CDK14: variants seen among roughly 807,000 people sequenced by gnomAD.
The protein encoded by CDK14 is cyclin-dependent kinase 14.
A neutral mutation model predicts 60.7 loss-of-function variants in CDK14; 34 were observed. That is an observed-to-expected ratio of 0.56 (90% CI 0.43 to 0.75). CDK14 has a LOEUF of 0.75. Ranked by LOEUF, CDK14 falls within the 30% of genes least tolerant of loss-of-function variation. The pLI, the probability that CDK14 is intolerant of heterozygous loss-of-function variation, is 0.00. For missense variants in CDK14, 482 were observed against 564.1 expected (o/e 0.85, Z 1.47); for synonymous variants, 197 against 203.7 (o/e 0.97, Z 0.28).
intron 12 of CDK14, among the ~76,000 whole-genome samples, chr7:91,090,649 A>G (rs1157645661): frequency 6.6e-6 from 1 of 152,086 alleles, no homozygotes; most frequent in African/African-American, 2.4e-5. Flanking sequence ...TTATTTTTGC[A>G]CTTATTTCTT....
Position 90,860,588 on chromosome 7 carries a change from TGA to T in CDK14, c.545-2586_545-2585del, listed in dbSNP as rs1790978141. Among the ~76,000 whole-genome samples the T allele has an allele frequency of 2.7e-5, 4 of 150,176 alleles. No homozygotes were observed. In the South Asian group the frequency reaches 8.5e-4, roughly 32 times the overall value. ...GTTGCCAGGCTGGACTGCAGTGGTGTGATCTCAGCTCACTGCAACCTCCACCT... is the reference window on the plus strand; with the variant it reads ...GTTGCCAGGCTGGACTGCAGTGGTGTTCTCAGCTCACTGCAACCTCCACCT... On this transcript the variant is annotated intron_variant, in intron 5 of 14. Coordinates refer to ENST00000380050, the MANE Select transcript of CDK14 (RefSeq NM_001287135.2).
Position 90,722,211 on chromosome 7 carries a change from A to T in CDK14, c.124-4356A>T, listed in dbSNP as rs559283136. On this transcript the variant is annotated intron_variant, in intron 2 of 14. Transcript: ENST00000380050. The stretch of plus-strand genomic sequence containing the variant: ...TTCCCCTTTCCCTTTTCCCTTTTTG[A>T]GATAGGGTCTCACTATGTTGCCCAG... Among the ~76,000 whole-genome samples the T allele has an allele frequency of 2.2e-5, 3 of 134,524 alleles. No homozygotes were observed. In the South Asian group the frequency reaches 6.7e-4, roughly 30 times the overall value. 88.3% of individuals were successfully genotyped at this position (134,524 alleles called of 152,430 possible). A position where few individuals can be genotyped will look rare whatever the true frequency, so the allele number is the denominator to read the frequency against.
In CDK14 at chr7:90,596,477, C is replaced by A; in HGVS notation, c.-151C>A. 2 of 575,710 alleles carry A rather than the reference C, an allele frequency of 3.5e-6. No homozygotes were observed. The highest frequency in any genetic ancestry group is 6.4e-5 in the East Asian group (2 of 31,156). The allele number at this position is 575,710 out of a possible 1,614,324, so 35.7% of individuals were successfully genotyped here. A position where few individuals can be genotyped will look rare whatever the true frequency, so the allele number is the denominator to read the frequency against. ...CCTGCCGTCCTCCGCCTGCCTGCTG[C>A]TCGCCTCCCTAGACCTGCGCGTCGC... is the stretch of plus-strand genomic sequence containing the variant. On this transcript the variant is annotated 5_prime_UTR_variant, in exon 1 of 15. Transcript: ENST00000380050.
At chr7:90,817,259 C>T (rs1037559537) in intron 5 of CDK14, among the ~76,000 whole-genome samples, 1 of 152,038 alleles carries the variant, frequency 6.6e-6, no homozygotes, top group Non-Finnish European at 1.5e-5. Context: ...TAGTATGGGT[C>T]ATTTATATAT....
At chr7:90,611,554 T>C (rs959981889) in intron 2 of CDK14, among the ~76,000 whole-genome samples, 7 of 152,220 alleles carry the variant, frequency 4.6e-5, no homozygotes, top group Non-Finnish European at 7.3e-5. Context: ...GGCTTGGTTT[T>C]TGTTCCTTGC....
intron 4 of CDK14, among the ~76,000 whole-genome samples, chr7:90,773,907 T>C (rs1177052120): frequency 5.6e-5 from 7 of 125,888 alleles, no homozygotes; most frequent in South Asian, 2.6e-4. Flanking sequence ...TTCTTTCTTT[T>C]TTTTTTTTTT....
intron 14 of CDK14, among the ~76,000 whole-genome samples, chr7:91,185,204 A>T (rs1470161697): frequency 6.6e-6 from 1 of 150,576 alleles, no homozygotes; most frequent in Non-Finnish European, 1.5e-5. Context: ...AAACAATGAT[A>T]TAGAAATAAA....
intron 9 of CDK14, among the ~76,000 whole-genome samples, chr7:90,965,653 T>C (rs1009525761): frequency 6.6e-6 from 1 of 152,228 alleles, no homozygotes; most frequent in Non-Finnish European, 1.5e-5. Context: ...GGATTCCATG[T>C]CTTCCTCCTT....
chr7:91,147,324 A>G (rs938032026), intron 14 of CDK14, among the ~76,000 whole-genome samples: 20 of 151,852 alleles, frequency 1.3e-4, no homozygotes, highest in African/African-American at 4.8e-4. Flanking sequence ...ATAATTTTCA[A>G]TATTAGAAAG....
At chr7:91,088,761 A>G (rs1302628247) in intron 12 of CDK14, among the ~76,000 whole-genome samples, 1 of 152,162 alleles carries the variant, frequency 6.6e-6, no homozygotes, top group Non-Finnish European at 1.5e-5. Flanking sequence ...ATACAAACAT[A>G]ATGCCAAATA....
At chr7:90,775,767 T>TC (rs1432765091) in intron 4 of CDK14, among the ~76,000 whole-genome samples, 12 of 110,976 alleles carry the variant, frequency 1.1e-4, no homozygotes, top group African/African-American at 3.3e-4. Flanking sequence ...CTCCTCTTTC[T>TC]CCCCCCCACC....
chr7:91,117,090 G>T (rs1799630643), intron 13 of CDK14, among the ~76,000 whole-genome samples: 1 of 143,374 alleles, frequency 7.0e-6, no homozygotes, highest in African/African-American at 2.6e-5. Flanking sequence ...CCATCTAGTA[G>T]GCCTCTCACA....
At chr7:91,016,377 G>A (rs147083267) in intron 10 of CDK14, among the ~76,000 whole-genome samples, 107 of 151,944 alleles carry the variant, frequency 7.0e-4, no homozygotes, top group African/African-American at 2.4e-3. Flanking sequence ...CAATTTAGAC[G>A]GTCCTAAACA....
At chr7:90,670,140 C>G (rs1171305416) in intron 2 of CDK14, among the ~76,000 whole-genome samples, 1 of 152,132 alleles carries the variant, frequency 6.6e-6, no homozygotes, top group Non-Finnish European at 1.5e-5. Flanking sequence ...TATGCAGAGG[C>G]TGTAGGAAGT....
At chr7:90,810,273 T>C (rs1051519360) in intron 5 of CDK14, among the ~76,000 whole-genome samples, 5 of 152,142 alleles carry the variant, frequency 3.3e-5, no homozygotes, top group African/African-American at 9.7e-5. Flanking sequence ...TTATCCACCA[T>C]GATCAAGTGG....
In CDK14 at chr7:90,757,555, C is replaced by G. The variant is rs117813939; in HGVS notation, c.464+9780C>G. 5.1e-4 allele frequency among the ~76,000 whole-genome samples: 78 copies of G among 151,764 alleles called. No homozygotes were observed. In the East Asian group the frequency reaches 0.013, roughly 26 times the overall value. The stretch of plus-strand genomic sequence containing the variant: ...CTATTGGTTCTTTTTAAAGTACAAA[C>G]AAAGGATATTTATTTGCCCCATCAA... On this transcript the variant is annotated intron_variant, in intron 4 of 14. Coordinates refer to ENST00000380050, the MANE Select transcript of CDK14 (RefSeq NM_001287135.2).
At chr7:90,928,186 G>A (rs1308528076) in intron 8 of CDK14, among the ~76,000 whole-genome samples, 1 of 152,126 alleles carries the variant, frequency 6.6e-6, no homozygotes, top group Admixed American at 6.6e-5. Context: ...GGAGAAGTTT[G>A]TTATTACCGA....
intron 3 of CDK14, among the ~76,000 whole-genome samples, chr7:90,745,904 A>T (rs1215165625): frequency 2.0e-5 from 3 of 152,112 alleles, no homozygotes; most frequent in African/African-American, 7.2e-5. Context: ...AATTTTCTCT[A>T]CTGATTGTGT....
chr7:90,943,110 G>A (rs1382071715), intron 8 of CDK14, among the ~76,000 whole-genome samples: 1 of 152,174 alleles, frequency 6.6e-6, no homozygotes, highest in East Asian at 1.9e-4. Context: ...CTCTAAGCTG[G>A]CTTAACACAT....
Sources: allele counts gnomAD v4.1 joint callset (sites outside exome capture counted in the v4.1 genomes callset), GRCh38; gene constraint gnomAD v4.1.1; transcripts MANE v1.5; gene names NCBI Gene and HGNC (gene_info 2026-07-23, HGNC 2026-07-21).